Variants in MSMO1 observed in about 807,000 individuals in gnomAD.
The protein encoded by MSMO1 is C-4 methylsterol oxidase.
In MSMO1, 18 loss-of-function variants were observed where a neutral mutation model predicts 30.4. That is an observed-to-expected ratio of 0.59 (90% CI 0.41 to 0.88). The LOEUF is 0.88. Ranked by LOEUF, MSMO1 falls within the 40% of genes least tolerant of loss-of-function variation. MSMO1 has a pLI of 0.00. For missense variants in MSMO1, 284 were observed against 340.5 expected, an observed-to-expected ratio of 0.83 and a Z score of 1.31; for synonymous variants, 84 against 107.9, an observed-to-expected ratio of 0.78 and a Z score of 1.37.
At chr4:165,338,025 G>T in intron 3 of MSMO1, 88 bp downstream of exon 3, 24 of 1,229,612 alleles carry the variant, frequency 2.0e-5, no homozygotes, top group Non-Finnish European at 2.8e-5. Context: ...CTTAATTTTA[G>T]TTAATGTTTG....
At position 165,336,248 on chromosome 4, in the gene MSMO1, AAC is replaced by A. The variant is rs1553967790; in HGVS notation, c.256-1539_256-1538del. On this transcript the variant is annotated intron_variant, in intron 2 of 5. Transcript: ENST00000261507. ...GATCTATTTCTTTAAAAAAAAAAAA[AAC>A]ATACATCTTAGTAATTCTCCAAAAA... is the stretch of plus-strand genomic sequence containing the variant. Among the ~76,000 whole-genome samples, 6 of 152,030 alleles carry A rather than the reference AAC, an allele frequency of 3.9e-5. No individual in the cohort carries two copies. In the East Asian group the frequency reaches 5.8e-4, roughly 15 times the overall value.
In MSMO1 at chr4:165,342,113, T is replaced by C; in HGVS notation, c.*167T>C. On this transcript the variant is annotated 3_prime_UTR_variant, in exon 6 of 6. Transcript: ENST00000261507. ...TTCCTAGTGGGAACTTTTTCTACTT[T>C]ACCTACAAGTTCTATATATGTAGAA... 1.7e-6 allele frequency: 1 copy of C among 602,736 alleles called. No individual in the cohort carries two copies. The highest frequency in any genetic ancestry group is 2.9e-6 in the Non-Finnish European group (1 of 343,316). The allele number at this position is 602,736 out of a possible 1,614,324, so 37.3% of individuals were successfully genotyped here. A position where few individuals can be genotyped will look rare whatever the true frequency, so the allele number is the denominator to read the frequency against.
intron 2 of MSMO1, among the ~76,000 whole-genome samples, chr4:165,336,009 T>A (rs930001295): frequency 6.6e-6 from 1 of 152,232 alleles, no homozygotes; most frequent in Non-Finnish European, 1.5e-5. Context: ...ATCAATTGTT[T>A]AAGATAAAAT....
intron 2 of MSMO1, 147 bp downstream of exon 2, chr4:165,333,772 A>C (rs1747465506): frequency 2.2e-6 from 2 of 911,670 alleles, no homozygotes; most frequent in African/African-American, 1.7e-5. Context: ...TTCTAGTAGA[A>C]TACATAGAAA....
chr4:165,330,416 C>T lies in MSMO1; in HGVS notation c.-32+2652C>T, dbSNP rs552918731. On this transcript the variant is annotated intron_variant, in intron 1 of 5. Coordinates refer to ENST00000261507, the MANE Select transcript of MSMO1 (RefSeq NM_006745.5). ...CATGCCAGGTCCTGTGCTAACTAAGCGCTTTATATGCATTGTCTCTTGGAC... is the reference window on the plus strand; with the variant it reads ...CATGCCAGGTCCTGTGCTAACTAAGTGCTTTATATGCATTGTCTCTTGGAC... 3.3e-5 allele frequency among the ~76,000 whole-genome samples: 5 copies of T among 152,280 alleles called. No homozygotes were observed. The South Asian group carries it at 6.2e-4, about 19-fold the overall frequency.
chr4:165,335,781 A>G (rs180723513), intron 2 of MSMO1, among the ~76,000 whole-genome samples: 1 of 152,308 alleles, frequency 6.6e-6, no homozygotes, highest in East Asian at 1.9e-4. Flanking sequence ...AACAGATTGT[A>G]AGGCTGGATA....
chr4:165,338,881 T>C (rs1218852684), intron 4 of MSMO1, 103 bp downstream of exon 4: 14 of 929,428 alleles, frequency 1.5e-5, no homozygotes, highest in African/African-American at 3.3e-5. Flanking sequence ...TATTTTCTTT[T>C]CCTTTGGCAT....
At chr4:165,333,658 C>A in intron 2 of MSMO1, 33 bp downstream of exon 2, 1 of 1,530,380 alleles carries the variant, frequency 6.5e-7, no homozygotes, top group South Asian at 1.2e-5. Flanking sequence ...AGAATATTAT[C>A]ATTAATGTTG....
At chr4:165,338,820 A>G in intron 4 of MSMO1, 42 bp downstream of exon 4, 1 of 1,510,690 alleles carries the variant, frequency 6.6e-7, no homozygotes. Flanking sequence ...TAGAGGCAAA[A>G]TGTCTATTTT....
At chr4:165,331,445 C>T (rs1252877772) in intron 1 of MSMO1, among the ~76,000 whole-genome samples, 1 of 152,094 alleles carries the variant, frequency 6.6e-6, no homozygotes, top group African/African-American at 2.4e-5. Flanking sequence ...CACAGGAAGA[C>T]TAGTCAGTCT....
At chr4:165,333,708 G>A in intron 2 of MSMO1, 83 bp downstream of exon 2, 3 of 1,344,860 alleles carry the variant, frequency 2.2e-6, no homozygotes, top group Non-Finnish European at 3.0e-6. Context: ...GTTTTGTGAG[G>A]CTAAAGCAGT....
intron 2 of MSMO1, among the ~76,000 whole-genome samples, chr4:165,333,867 TG>T (rs1265858468): frequency 6.6e-6 from 1 of 152,216 alleles, no homozygotes; most frequent in African/African-American, 2.4e-5. Flanking sequence ...GCAGGGTCCA[TG>T]CCTGTAATTC....
chr4:165,340,611 C>A, intron 5 of MSMO1: 2 of 505,446 alleles, frequency 4.0e-6, no homozygotes, highest in Non-Finnish European at 3.5e-6. Flanking sequence ...ATATTCAGGA[C>A]CAGCAATTTC....
At position 165,333,521 on chromosome 4, in the gene MSMO1, A is replaced by C; in HGVS notation, c.151A>C (p.Thr51Pro). 1 of 1,613,666 alleles carries C rather than the reference A, an allele frequency of 6.2e-7. No homozygotes were observed. Among genetic ancestry groups the C allele is most frequent in the Non-Finnish European group, 8.5e-7 (1 of 1,179,782 alleles). ...TAATTATACAAAGTTCCAGATTGCA[A>C]CATGGGGATCCCTTATAGTTCATGA... The part of the protein sequence containing the change: ...LNNYTKFQIA[T>P]WGSLIVHEAL... Residue 51 changes from threonine to proline, a missense_variant, in exon 2 of 6, where the codon ACA becomes CCA. By Grantham distance (38) the Thr-to-Pro change is conservative. Coordinates refer to ENST00000261507, the MANE Select transcript of MSMO1 (RefSeq NM_006745.5).
intron 2 of MSMO1, among the ~76,000 whole-genome samples, chr4:165,336,185 A>C (rs549858066): frequency 6.6e-6 from 1 of 152,096 alleles, no homozygotes; most frequent in East Asian, 1.9e-4. Context: ...GTTAGGCGAA[A>C]ATTTCACAGG....
chr4:165,340,176 T>C (rs1281523472), intron 4 of MSMO1, 45 bp from the exon 5 acceptor site: 2 of 1,586,040 alleles, frequency 1.3e-6, no homozygotes, highest in African/African-American at 2.7e-5. Flanking sequence ...AAATTGACCA[T>C]CACAATAGCT....
chr4:165,331,038 TCA>T (rs952490393), intron 1 of MSMO1, among the ~76,000 whole-genome samples: 1 of 152,172 alleles, frequency 6.6e-6, no homozygotes, highest in African/African-American at 2.4e-5. Context: ...GCGCAGTGGC[TCA>T]CACCTATAAT....
chr4:165,342,019 G>C lies in MSMO1; in HGVS notation c.*73G>C. On this transcript the variant is annotated 3_prime_UTR_variant, in exon 6 of 6. Transcript: ENST00000261507. ...GAAACTAGTAGCTAACATTGCTTCT[G>C]GAGAGCAGAAATAAGCATGTCTTCT... The C allele has an allele frequency of 1.6e-6, 2 of 1,257,580 alleles. No homozygotes were observed. Among genetic ancestry groups the C allele is most frequent in the South Asian group, 2.5e-5 (2 of 80,356 alleles). 77.9% of individuals were successfully genotyped at this position (1,257,580 alleles called of 1,614,324 possible).
Position 165,333,625 on chromosome 4 carries a change from G to GGTGA in MSMO1, c.255+3_255+6dup. The GGTGA allele has an allele frequency of 6.3e-7, 1 of 1,587,450 alleles. No homozygotes were observed. Among genetic ancestry groups the GGTGA allele is most frequent in the South Asian group, 1.1e-5 (1 of 88,224 alleles). ...ATATGAAAAAATACAAAATTCAAAA[G>GGTGA]GTGAGTATAAGGGACTAGAAATAGA... On this transcript the variant is annotated frameshift_variant and splice_region_variant. Transcript: ENST00000261507. LOFTEE classifies it high-confidence loss of function.
Sources: allele counts gnomAD v4.1 joint callset (sites outside exome capture counted in the v4.1 genomes callset), GRCh38; gene constraint gnomAD v4.1.1; transcripts MANE v1.5; gene names NCBI Gene and HGNC (gene_info 2026-07-23, HGNC 2026-07-21).